EMB: variants seen among roughly 807,000 people sequenced by gnomAD.
EMB encodes the protein embigin.
A neutral mutation model predicts 41.4 loss-of-function variants in EMB; 31 were observed. The observed-to-expected ratio is 0.75, with a 90% CI of 0.56 to 1.01. The LOEUF is 1.01. Ranked by LOEUF, EMB falls within the 50% of genes least tolerant of loss-of-function variation. The pLI, the probability that EMB is intolerant of heterozygous loss-of-function variation, is 0.00. For synonymous variants in EMB, 137 were observed against 140.4 expected (o/e 0.98, Z 0.17); for missense variants, 379 against 388.3 (o/e 0.98, Z 0.20).
intron 2 of EMB, among the ~76,000 whole-genome samples, chr5:50,419,884 A>G (rs572216207): frequency 1.3e-5 from 2 of 152,332 alleles, no homozygotes; most frequent in African/African-American, 2.4e-5. Context: ...TTGCAGGGAC[A>G]TGGACGAAGC....
At chr5:50,437,528 T>A (rs1430714731) in intron 1 of EMB, among the ~76,000 whole-genome samples, 1 of 152,158 alleles carries the variant, frequency 6.6e-6, no homozygotes, top group Non-Finnish European at 1.5e-5. Context: ...ACTCATGAAT[T>A]CCCATATTAT....
intron 4 of EMB, among the ~76,000 whole-genome samples, chr5:50,410,616 A>G (rs1284509208): frequency 6.6e-6 from 1 of 152,166 alleles, no homozygotes; most frequent in East Asian, 1.9e-4. Context: ...GGCAACTGAT[A>G]TAATTCACTA....
At chr5:50,440,816 A>G (rs1438351658) in intron 1 of EMB, among the ~76,000 whole-genome samples, 1 of 152,006 alleles carries the variant, frequency 6.6e-6, no homozygotes. Context: ...GACTCGCCCC[A>G]AAGAGCGCAG....
In EMB at chr5:50,428,601, G is replaced by C. The variant is rs1044794381; in HGVS notation, c.113-374C>G. 4.0e-6 allele frequency: 4 copies of C among 987,690 alleles called. No individual in the cohort carries two copies. The East Asian group carries it at 3.4e-4, about 83-fold the overall frequency. 61.2% of individuals were successfully genotyped at this position (987,690 alleles called of 1,614,324 possible). On this transcript the variant is annotated intron_variant, in intron 1 of 8. Transcript: ENST00000303221. ...AAGATATGAAGAGGCAGAGAGAGAA[G>C]ATGAAAGAAGAGCGACAGGCAGACC...
At chr5:50,409,470 T>C (rs1745299587) in intron 4 of EMB, among the ~76,000 whole-genome samples, 1 of 152,132 alleles carries the variant, frequency 6.6e-6, no homozygotes, top group South Asian at 2.1e-4. Context: ...TCAGAATCTG[T>C]AGGCCTTCTT....
At chr5:50,442,741 T>C (rs1048275245), upstream of EMB, among the ~76,000 whole-genome samples, 1 of 152,190 alleles carries the variant, frequency 6.6e-6, no homozygotes, top group Non-Finnish European at 1.5e-5. Context: ...CACCTCTTTC[T>C]TTCAACCCTG....
chr5:50,416,441 TCTTGGGTC>T (rs901235319), intron 2 of EMB, among the ~76,000 whole-genome samples: 3 of 152,244 alleles, frequency 2.0e-5, no homozygotes, highest in Admixed American at 2.0e-4. Flanking sequence ...ATTTAGATTT[TCTTGGGTC>T]TATTCAGGAC....
At chr5:50,434,047 T>G (rs1745765594) in intron 1 of EMB, among the ~76,000 whole-genome samples, 1 of 152,252 alleles carries the variant, frequency 6.6e-6, no homozygotes, top group African/African-American at 2.4e-5. Flanking sequence ...TAGGGCTTAC[T>G]CTAATTTAGT....
chr5:50,399,382 G>T (rs1396473225), intron 8 of EMB, 92 bp from the exon 9 acceptor site: 40 of 1,526,692 alleles, frequency 2.6e-5, no homozygotes, highest in Non-Finnish European at 3.5e-5. Flanking sequence ...AAAAATACTG[G>T]GAAGTGAGGG....
At chr5:50,435,519 C>A (rs1325678274) in intron 1 of EMB, among the ~76,000 whole-genome samples, 1 of 152,160 alleles carries the variant, frequency 6.6e-6, no homozygotes, top group South Asian at 2.1e-4. Context: ...AATTCCAAGA[C>A]AGTTCTGCTC....
chr5:50,399,392 G>T (rs1411267792), intron 8 of EMB, 102 bp from the exon 9 acceptor site: 16 of 1,483,742 alleles, frequency 1.1e-5, no homozygotes, highest in Admixed American at 6.4e-5. Flanking sequence ...GGAAGTGAGG[G>T]ATCCAATCTA....
chr5:50,414,528 C>CAAA lies in EMB; in HGVS notation c.197-3148_197-3146dup, dbSNP rs34645448. ...TGATAAAGCAGGGCCCTGTCTCAGG[C>CAAA]AAAAAAAAAAAAAAAAAAAAAAAAA... On this transcript the variant is annotated intron_variant, in intron 2 of 8. Coordinates refer to ENST00000303221, the MANE Select transcript of EMB (RefSeq NM_198449.3). Among the ~76,000 whole-genome samples, 197 of 46,678 alleles carry CAAA rather than the reference C, an allele frequency of 4.2e-3. 13 individuals are homozygous for CAAA. The highest frequency in any genetic ancestry group is 6.2e-3 in the Non-Finnish European group (149 of 24,102). The allele number at this position is 46,678 out of a possible 152,430, so 30.6% of individuals were successfully genotyped here.
chr5:50,439,702 C>T (rs1579748398), intron 1 of EMB, among the ~76,000 whole-genome samples: 1 of 152,072 alleles, frequency 6.6e-6, no homozygotes, highest in East Asian at 1.9e-4. Context: ...TTGTTAACAA[C>T]TAGACGTTTT....
chr5:50,441,129 A>C lies in EMB; in HGVS notation c.23T>G (p.Leu8Arg). 1 of 1,507,854 alleles carries C rather than the reference A, an allele frequency of 6.6e-7. No homozygotes were observed. The allele number at this position is 1,507,854 out of a possible 1,614,324, so 93.4% of individuals were successfully genotyped here. A position where few individuals can be genotyped will look rare whatever the true frequency, so the allele number is the denominator to read the frequency against. ...CCGGGGCGTACGCGCCCTGGCCTCC[A>C]GCAGGCCGGGGAGGGCGCGCATGGC... MRALPGL[L>R]EARARTPRLL... The change falls in exon 1 of 9, where the codon CTG (leucine) becomes CGG (arginine). Residue 8 changes from leucine to arginine, a missense_variant. Transcript: ENST00000303221.
chr5:50,405,530 A>G (rs1745233533), intron 5 of EMB, among the ~76,000 whole-genome samples, 195 bp downstream of exon 5: 1 of 152,016 alleles, frequency 6.6e-6, no homozygotes, highest in African/African-American at 2.4e-5. Context: ...CTTCATATGT[A>G]TAACGTAAAC....
At chr5:50,439,961 G>GA (rs1745869853) in intron 1 of EMB, among the ~76,000 whole-genome samples, 2 of 152,158 alleles carry the variant, frequency 1.3e-5, no homozygotes. Context: ...AGGTTGGATG[G>GA]AATCCTTTCA....
chr5:50,427,510 A>T (rs201711893), intron 2 of EMB, among the ~76,000 whole-genome samples: 33 of 131,130 alleles, frequency 2.5e-4, no homozygotes, highest in Admixed American at 2.3e-3. Flanking sequence ...TTATTATTAT[A>T]TTATTATTAT....
At chr5:50,428,276 A>G in intron 1 of EMB, 49 bp from the exon 2 acceptor site, 1 of 1,448,090 alleles carries the variant, frequency 6.9e-7, no homozygotes, top group Non-Finnish European at 9.6e-7. Context: ...AGAGTAAATG[A>G]CTATCTAAAA....
intron 1 of EMB, among the ~76,000 whole-genome samples, chr5:50,437,281 T>C (rs937605766): frequency 6.6e-6 from 1 of 152,066 alleles, no homozygotes. Context: ...AAAAATTAAA[T>C]GAATGAATGA....
Sources: allele counts gnomAD v4.1 joint callset (sites outside exome capture counted in the v4.1 genomes callset), GRCh38; gene constraint gnomAD v4.1.1; transcripts MANE v1.5; gene names NCBI Gene and HGNC (gene_info 2026-07-23, HGNC 2026-07-21).